The following FHIT variants were observed in gnomAD, a reference collection of about 807,000 sequenced individuals.
The protein encoded by FHIT is fragile histidine triad diadenosine triphosphatase.
FHIT carries 19 observed loss-of-function variants against 17.9 expected under a neutral mutation model. The ratio of observed to expected loss-of-function variants is 1.06; its 90% confidence interval spans 0.74 to 1.56. The LOEUF (loss-of-function observed/expected upper bound fraction) is 1.56. Ranked by LOEUF, FHIT falls within the 40% of genes most tolerant of loss-of-function variation. FHIT has a pLI of 0.00. For missense variants in FHIT, 248 were observed against 189.2 expected, an observed-to-expected ratio of 1.31 and a Z score of -1.82; for synonymous variants, 81 against 69.7, an observed-to-expected ratio of 1.16 and a Z score of -0.81.
chr3:60,575,298 G>C (rs1440144537), intron 4 of FHIT, among the ~76,000 whole-genome samples: 2 of 152,182 alleles, frequency 1.3e-5, no homozygotes, highest in African/African-American at 2.4e-5. Context: ...TAGTTCCAAA[G>C]TGTGCTGAGA....
At chr3:60,103,695 G>A (rs944979107) in intron 5 of FHIT, among the ~76,000 whole-genome samples, 6 of 152,116 alleles carry the variant, frequency 3.9e-5, no homozygotes, top group African/African-American at 7.2e-5. Context: ...GGCTTGCTAC[G>A]TGTAGAAAAA....
rs376275413 is a variant in FHIT, at chr3:60,696,208, A to G, written c.-18+125711T>C. The stretch of plus-strand genomic sequence containing the variant: ...AAAATATATCAGTACAGGTCTTACA[A>G]AACACTGAATGTTTTTATACACATT... On this transcript the variant is annotated intron_variant, in intron 4 of 9. Transcript: ENST00000492590. Among the ~76,000 whole-genome samples, 69 of 152,346 alleles carry G rather than the reference A, an allele frequency of 4.5e-4. No individual in the cohort carries two copies. The South Asian group carries it at 6.2e-3, about 14-fold the overall frequency.
chr3:60,131,039 A>G lies in FHIT; in HGVS notation c.104-116887T>C, dbSNP rs553906076. ...TATACACATATATACATATGTGTAT[A>G]TATACACATATATACATACATACAC... On this transcript the variant is annotated intron_variant, in intron 5 of 9. Coordinates refer to ENST00000492590, the MANE Select transcript of FHIT (RefSeq NM_002012.4). Among the ~76,000 whole-genome samples, 7 of 92,994 alleles carry G rather than the reference A, an allele frequency of 7.5e-5. No individual in the cohort carries two copies. The East Asian group carries it at 8.9e-4, about 12-fold the overall frequency. 61.0% of individuals were successfully genotyped at this position (92,994 alleles called of 152,430 possible).
At chr3:61,244,931 C>A (rs1032476884) in intron 1 of FHIT, among the ~76,000 whole-genome samples, 1 of 152,088 alleles carries the variant, frequency 6.6e-6, no homozygotes, top group South Asian at 2.1e-4. Flanking sequence ...GCTTTTCTCT[C>A]GTTAATCTGT....
chr3:60,203,878 G>A (rs1559724765), intron 5 of FHIT, among the ~76,000 whole-genome samples: 1 of 152,104 alleles, frequency 6.6e-6, no homozygotes, highest in Non-Finnish European at 1.5e-5. Flanking sequence ...TTATTAGTGG[G>A]AGCTAAAAAT....
chr3:60,275,879 G>A (rs1707105789), intron 5 of FHIT, among the ~76,000 whole-genome samples: 1 of 152,052 alleles, frequency 6.6e-6, no homozygotes, highest in Non-Finnish European at 1.5e-5. Context: ...TTTTATGTGT[G>A]CACAAATTAA....
intron 2 of FHIT, among the ~76,000 whole-genome samples, chr3:61,117,054 TATA>T: frequency 6.6e-6 from 1 of 152,228 alleles, no homozygotes; most frequent in Non-Finnish European, 1.5e-5. Flanking sequence ...GTACAAAAAA[TATA>T]ATGAGCCAAC....
intron 4 of FHIT, among the ~76,000 whole-genome samples, chr3:60,708,748 G>T (rs1262092666): frequency 6.6e-6 from 1 of 152,132 alleles, no homozygotes; most frequent in Non-Finnish European, 1.5e-5. Flanking sequence ...CTCATTGTTG[G>T]CAAGGGAACA....
chr3:60,007,294 T>C (rs868182505), intron 7 of FHIT, among the ~76,000 whole-genome samples: 3 of 152,210 alleles, frequency 2.0e-5, no homozygotes, highest in Non-Finnish European at 4.4e-5. Flanking sequence ...TTTTGGAACA[T>C]GATTTGAGAA....
chr3:60,575,279 A>G (rs2037528098), intron 4 of FHIT, among the ~76,000 whole-genome samples: 1 of 152,196 alleles, frequency 6.6e-6, no homozygotes, highest in Non-Finnish European at 1.5e-5. Flanking sequence ...GTATGTCGGA[A>G]GGGATGTCTA....
At chr3:60,297,902 G>A (rs777236328) in intron 5 of FHIT, among the ~76,000 whole-genome samples, 4 of 152,084 alleles carry the variant, frequency 2.6e-5, no homozygotes, top group Middle Eastern at 3.2e-3. Flanking sequence ...TGTACCCCAG[G>A]CTGTGAAGTG....
At chr3:60,280,607 A>G (rs1345553593) in intron 5 of FHIT, among the ~76,000 whole-genome samples, 1 of 152,156 alleles carries the variant, frequency 6.6e-6, no homozygotes, top group East Asian at 1.9e-4. Context: ...TGGAGCTACC[A>G]GAAGCTGTCA....
At chr3:60,814,243 A>G (rs782512684) in intron 4 of FHIT, among the ~76,000 whole-genome samples, 2 of 152,006 alleles carry the variant, frequency 1.3e-5, no homozygotes, top group Non-Finnish European at 2.9e-5. Flanking sequence ...GTATATTTGC[A>G]TGTTTGTTAC....
chr3:60,281,788 T>C (rs1484953222), intron 5 of FHIT, among the ~76,000 whole-genome samples: 2 of 152,084 alleles, frequency 1.3e-5, no homozygotes, highest in Admixed American at 6.6e-5. Context: ...TTTATAGATA[T>C]AACAACAAAA....
At chr3:59,883,108 T>C (rs773276259) in intron 8 of FHIT, among the ~76,000 whole-genome samples, 32 of 152,224 alleles carry the variant, frequency 2.1e-4, no homozygotes, top group South Asian at 4.1e-4. Flanking sequence ...GCTGTTTGTA[T>C]AATTTTCAGA....
chr3:60,525,952 A>C (rs1401945904), intron 5 of FHIT, among the ~76,000 whole-genome samples: 2 of 151,992 alleles, frequency 1.3e-5, no homozygotes, highest in African/African-American at 4.8e-5. Flanking sequence ...AAAATGCAAA[A>C]ATTAGCTGGG....
At chr3:61,246,515 C>G (rs550565851) in intron 1 of FHIT, among the ~76,000 whole-genome samples, 10 of 152,148 alleles carry the variant, frequency 6.6e-5, no homozygotes, top group Non-Finnish European at 1.3e-4. Flanking sequence ...CAAATGCCCT[C>G]GGAATAAGGT....
chr3:60,579,392 G>A (rs1247022074), intron 4 of FHIT, among the ~76,000 whole-genome samples: 1 of 152,082 alleles, frequency 6.6e-6, no homozygotes, highest in Non-Finnish European at 1.5e-5. Flanking sequence ...TGAAACCTCA[G>A]TTGTATGTGT....
chr3:60,186,580 C>A (rs73831983), intron 5 of FHIT, among the ~76,000 whole-genome samples: 17 of 152,148 alleles, frequency 1.1e-4, no homozygotes, highest in African/African-American at 3.6e-4. Flanking sequence ...GAATGTTACA[C>A]AGTCATAACG....
Sources: allele counts gnomAD v4.1 joint callset (sites outside exome capture counted in the v4.1 genomes callset), GRCh38; gene constraint gnomAD v4.1.1; transcripts MANE v1.5; gene names NCBI Gene and HGNC (gene_info 2026-07-23, HGNC 2026-07-21).